Variants in TPST2 observed in about 807,000 individuals in gnomAD.
The protein encoded by TPST2 is tyrosylprotein sulfotransferase 2, also known as protein-tyrosine sulfotransferase 2.
In TPST2, 16 loss-of-function variants were observed where a neutral mutation model predicts 27.8. The observed-to-expected ratio is 0.58, with a 90% CI of 0.39 to 0.88. The LOEUF (loss-of-function observed/expected upper bound fraction) is 0.88, where lower values mean the gene tolerates loss of function less well. Ranked by LOEUF, TPST2 falls within the 40% of genes least tolerant of loss-of-function variation. TPST2 has a pLI of 0.00. For missense variants in TPST2, 464 were observed against 543.1 expected (o/e 0.85, Z 1.45); for synonymous variants, 229 against 231.7 (o/e 0.99, Z 0.10).
chr22:26,548,046 G>C (rs1159946737), intron 1 of TPST2, among the ~76,000 whole-genome samples: 2 of 152,174 alleles, frequency 1.3e-5, no homozygotes, highest in African/African-American at 4.8e-5. Flanking sequence ...AAGTCACTTA[G>C]CCTCTCTGAG....
At chr22:26,566,101 T>A (rs1253997988) in intron 1 of TPST2, among the ~76,000 whole-genome samples, 2 of 152,200 alleles carry the variant, frequency 1.3e-5, no homozygotes, top group African/African-American at 4.8e-5. Context: ...TGGTTTGTGG[T>A]TGACGTGGTG....
In TPST2 at chr22:26,541,507, G is replaced by A. The variant is rs538180758; in HGVS notation, c.124C>T (p.Arg42Trp). 6.2e-6 allele frequency: 10 copies of A among 1,611,478 alleles called. No individual in the cohort carries two copies. The African/African-American group carries it at 1.1e-4, about 17-fold the overall frequency. The stretch of plus-strand genomic sequence containing the variant: ...TCCTGCTCAGGCCGCATGGCCCCCC[G>A]GGGGCTCCGCAGGCCCGCCAGCACC... ...RAVLAGLRSP[R>W]GAMRPEQEEL... The change falls in exon 3 of 7, where the codon CGG becomes TGG. Residue 42 changes from arginine (R) to tryptophan (W), a missense_variant. Transcript: ENST00000338754. The surrounding 1 kb of genome is among the most constrained non-coding windows in gnomAD (Gnocchi z 5.9).
chr22:26,582,711 A>T (rs1444427366), intron 1 of TPST2, among the ~76,000 whole-genome samples: 1 of 152,122 alleles, frequency 6.6e-6, no homozygotes, highest in African/African-American at 2.4e-5. Flanking sequence ...CTCAGTGGCT[A>T]TCCGTGCAGT....
At chr22:26,564,850 A>G (rs1047185138) in intron 1 of TPST2, among the ~76,000 whole-genome samples, 32 of 152,182 alleles carry the variant, frequency 2.1e-4, no homozygotes, top group Non-Finnish European at 4.3e-4. Flanking sequence ...CTGCAAAGTC[A>G]GCATTACTCA....
Position 26,541,296 on chromosome 22 carries a change from G to T in TPST2, c.335C>A (p.Ala112Asp). 1 of 1,542,170 alleles carries T rather than the reference G, an allele frequency of 6.5e-7. No homozygotes were observed. The highest frequency in any genetic ancestry group is 8.8e-7 in the Non-Finnish European group (1 of 1,142,796). The part of the protein sequence containing the change: ...IIPRVLAMRQ[A>D]WSKSGREKLR... ...CTTCTCACGGCCAGACTTGGACCAG[G>T]CCTGGCGCATGGCCAGCACGCGCGG... is the stretch of plus-strand genomic sequence containing the variant. Residue 112 changes from alanine (A) to aspartate (D), a missense_variant, in exon 3 of 7, where the codon GCC (alanine) becomes GAC (aspartate). Physicochemically the swap from Ala to Asp is moderately radical, Grantham distance 126 (BLOSUM62 -2). Transcript: ENST00000338754. The surrounding 1 kb of genome is among the most constrained non-coding windows in gnomAD (Gnocchi z 5.9).
At chr22:26,580,404 C>T (rs7290312) in intron 1 of TPST2, among the ~76,000 whole-genome samples, 50,622 of 151,950 alleles carry the variant, frequency 0.33, 8,931 homozygotes, top group Admixed American at 0.43. Flanking sequence ...AGTCAAGGCC[C>T]CTGGGTATCC....
chr22:26,577,095 C>CAAAAA (rs34865016), intron 1 of TPST2, among the ~76,000 whole-genome samples: 1 of 75,522 alleles, frequency 1.3e-5, no homozygotes, highest in Non-Finnish European at 2.5e-5. Context: ...GACTCTGTTG[C>CAAAAA]AAAAAAAAAA....
chr22:26,589,236 T>C (rs563354371), intron 1 of TPST2, among the ~76,000 whole-genome samples: 44 of 152,156 alleles, frequency 2.9e-4, no homozygotes, highest in African/African-American at 9.9e-4. Context: ...CACGGTTCTT[T>C]CTAATGACTC....
Position 26,540,872 on chromosome 22 carries a change from G to A in TPST2, c.759C>T (p.Leu253=), listed in dbSNP as rs371220641. 11 of 1,614,002 alleles carry A rather than the reference G, an allele frequency of 6.8e-6. No homozygotes were observed. Among genetic ancestry groups the A allele is most frequent in the Middle Eastern group, 1.6e-4 (1 of 6,084 alleles). Residue 253 remains leucine, a synonymous_variant, in exon 3 of 7, where the codon CTC becomes CTT. Transcript: ENST00000338754. ...CGCTCCAGGCGATGCCGAGGAAGTC[G>A]AGGATGAGCTTGAGTGAGCGCCTGG... is the stretch of plus-strand genomic sequence containing the variant. ...LHPRRSLKLI[L]DFLGIAWSDA...
intron 3 of TPST2, among the ~76,000 whole-genome samples, chr22:26,540,335 C>A (rs1319408655): frequency 6.6e-6 from 1 of 152,156 alleles, no homozygotes; most frequent in Non-Finnish European, 1.5e-5. Flanking sequence ...TGTGGTGGCT[C>A]ATGCCTGTAA....
intron 3 of TPST2, among the ~76,000 whole-genome samples, chr22:26,538,311 T>C (rs1443250500): frequency 1.3e-5 from 2 of 152,244 alleles, no homozygotes; most frequent in African/African-American, 4.8e-5. Flanking sequence ...CTCTACCCAA[T>C]ATGTCAAAAA....
At chr22:26,555,032 T>C (rs959227688) in intron 1 of TPST2, among the ~76,000 whole-genome samples, 2 of 152,264 alleles carry the variant, frequency 1.3e-5, no homozygotes, top group African/African-American at 4.8e-5. Context: ...AACTTTGGTG[T>C]GCTTCTGAAT....
At chr22:26,588,689 A>G (rs1928435305) in intron 1 of TPST2, among the ~76,000 whole-genome samples, 1 of 152,192 alleles carries the variant, frequency 6.6e-6, no homozygotes, top group African/African-American at 2.4e-5. Flanking sequence ...TTCCTTTAGG[A>G]CAATGAAATA....
intron 3 of TPST2, among the ~76,000 whole-genome samples, chr22:26,538,726 G>T (rs1486402715): frequency 1.3e-5 from 2 of 152,246 alleles, no homozygotes; most frequent in Non-Finnish European, 1.5e-5. Flanking sequence ...GGAGGCTGAG[G>T]CAGGGAGAAC....
At chr22:26,586,000 G>A (rs1305815688) in intron 1 of TPST2, among the ~76,000 whole-genome samples, 2 of 152,022 alleles carry the variant, frequency 1.3e-5, no homozygotes, top group South Asian at 2.1e-4. Flanking sequence ...CCGAGATCAC[G>A]CCACTGCACT....
At chr22:26,547,320 A>C (rs999921572) in intron 1 of TPST2, among the ~76,000 whole-genome samples, 3 of 152,078 alleles carry the variant, frequency 2.0e-5, no homozygotes, top group African/African-American at 7.2e-5. Flanking sequence ...GGCTGGTCTC[A>C]AACTCCTGGA....
At chr22:26,555,201 C>G (rs750378876) in intron 1 of TPST2, 6 of 533,652 alleles carry the variant, frequency 1.1e-5, no homozygotes, top group South Asian at 8.4e-5. Context: ...TGTGAAACAC[C>G]GCTTAAGGCA....
At chr22:26,537,564 T>G (rs192701222) in intron 3 of TPST2, among the ~76,000 whole-genome samples, 1 of 152,310 alleles carries the variant, frequency 6.6e-6, no homozygotes, top group Non-Finnish European at 1.5e-5. Context: ...ACGATTCTCA[T>G]GCCTCAGCCT....
rs1453785778 is a variant in TPST2, at chr22:26,532,701, A to C, written c.1086T>G (p.Tyr362Ter). 6.2e-7 allele frequency: 1 copy of C among 1,614,018 alleles called. No individual in the cohort carries two copies. Residue 362 changes from tyrosine (Y) to a stop codon, truncating the protein, a stop_gained, in exon 5 of 7, where the codon TAT becomes TAG. Transcript: ENST00000338754. LOFTEE classifies it high-confidence loss of function. ...TCCCCTTGGGGTTTCTAACCTGAAA[A>C]TATCCTTTCAGATTGGCTGGTGTTT... ...DYKTPANLKG[Y>*]FQVNQNSTSS...
Sources: gnomAD v4.1 joint callset for allele counts (sites outside exome capture counted in the v4.1 genomes callset) on GRCh38, gnomAD v4.1.1 for gene constraint, Gnocchi (gnomAD v3.1) non-coding constraint, MANE v1.5 for transcripts, NCBI Gene and HGNC (gene_info 2026-07-23, HGNC 2026-07-21) for gene names.